FOCAD: variants seen among roughly 807,000 people sequenced by gnomAD.
The protein encoded by FOCAD is focadhesin.
FOCAD carries 198 observed loss-of-function variants against 225.6 expected under a neutral mutation model. The ratio of observed to expected loss-of-function variants is 0.88; its 90% confidence interval spans 0.78 to 0.99. FOCAD has a LOEUF of 0.99. Among genes scored for constraint, FOCAD ranks in the 50% least tolerant of loss-of-function variants. FOCAD has a pLI of 0.00. For synonymous variants in FOCAD, 897 were observed against 755.0 expected, an observed-to-expected ratio of 1.19 and a Z score of -3.08; for missense variants, 2,713 against 2,123.6, an observed-to-expected ratio of 1.28 and a Z score of -5.46.
intron 15 of FOCAD, among the ~76,000 whole-genome samples, chr9:20,847,008 C>G (rs757873093): frequency 2.0e-5 from 3 of 152,100 alleles, no homozygotes; most frequent in Admixed American, 6.6e-5. Flanking sequence ...TTCTCTGATT[C>G]CAAAACATCT....
intron 11 of FOCAD, among the ~76,000 whole-genome samples, chr9:20,794,183 G>A (rs375526853): frequency 5.3e-5 from 8 of 152,168 alleles, no homozygotes; most frequent in African/African-American, 1.9e-4. Context: ...ACTAACCAGA[G>A]CATCTGTCTC....
At chr9:20,706,391 A>G (rs932588536) in intron 1 of FOCAD, among the ~76,000 whole-genome samples, 1 of 152,194 alleles carries the variant, frequency 6.6e-6, no homozygotes, top group African/African-American at 2.4e-5. Flanking sequence ...TAAAGGCAGG[A>G]ATTTGATAGA....
chr9:20,875,895 C>T (rs1162401540), intron 19 of FOCAD: 1 of 152,076 alleles, frequency 6.6e-6, no homozygotes, highest in African/African-American at 2.4e-5. Flanking sequence ...TACAATTCTA[C>T]TTTGAATGTT....
chr9:20,975,816 C>T (rs1171907613), intron 35 of FOCAD, among the ~76,000 whole-genome samples: 2 of 151,868 alleles, frequency 1.3e-5, no homozygotes, highest in South Asian at 4.2e-4. Context: ...TATGTGGAAG[C>T]TAAAAAAGTT....
At chr9:20,994,154 T>C (rs1051455220) in intron 43 of FOCAD, among the ~76,000 whole-genome samples, 25 of 152,242 alleles carry the variant, frequency 1.6e-4, no homozygotes, top group African/African-American at 5.5e-4. Context: ...CTTCATAGTA[T>C]CTTGCCAGGG....
chr9:20,929,475 C>T lies in FOCAD; in HGVS notation c.3196C>T (p.Leu1066=). 6.2e-7 allele frequency: 1 copy of T among 1,614,120 alleles called. No homozygotes were observed. The change falls in exon 27 of 44, where the codon CTG becomes TTG. Residue 1066 remains leucine (L), a synonymous_variant. Transcript: ENST00000338382. ...TTGCAAAGAGAAGGTTGAGGAAATC[C>T]TGAACATGCTGACTGCCAGGTTACC... ...ISCKEKVEEI[L]NMLTARLPGK...
intron 19 of FOCAD, among the ~76,000 whole-genome samples, chr9:20,880,443 A>G (rs1587489118): frequency 6.6e-6 from 1 of 152,138 alleles, no homozygotes; most frequent in Non-Finnish European, 1.5e-5. Context: ...CACTGTTTTC[A>G]CCCTTTGATG....
chr9:20,754,212 A>G (rs1828835387), intron 5 of FOCAD, among the ~76,000 whole-genome samples: 2 of 152,184 alleles, frequency 1.3e-5, no homozygotes, highest in South Asian at 4.1e-4. Flanking sequence ...TAATCCATAA[A>G]TGTAATAATC....
Position 20,995,615 on chromosome 9 carries a change from G to A in FOCAD, c.5392G>A (p.Ala1798Thr), listed in dbSNP as rs1487984640. 1.2e-6 allele frequency: 2 copies of A among 1,612,656 alleles called. No individual in the cohort carries two copies. Among genetic ancestry groups the A allele is most frequent in the Non-Finnish European group, 1.7e-6 (2 of 1,178,806 alleles). Reference sequence around the variant, plus strand: ...TAAGAAGAAAGCTGTATGGACCAGAGCATATGGTTGGTGAACAGTTTTGCA... The same window carrying A: ...TAAGAAGAAAGCTGTATGGACCAGAACATATGGTTGGTGAACAGTTTTGCA... The part of the protein sequence containing the change: ...EFKKKAVWTR[A>T]YGW Residue 1798 changes from alanine to threonine, a missense_variant, in exon 44 of 44, where the codon GCA becomes ACA. Transcript: ENST00000338382.
chr9:20,965,143 A>T (rs1301222655), intron 35 of FOCAD, among the ~76,000 whole-genome samples: 3 of 152,312 alleles, frequency 2.0e-5, no homozygotes, highest in African/African-American at 7.2e-5. Flanking sequence ...GTACTCTTTT[A>T]TATGGAAAAG....
At chr9:20,874,902 C>G in intron 19 of FOCAD, 95 bp downstream of exon 19, 2 of 1,451,652 alleles carry the variant, frequency 1.4e-6, no homozygotes, top group Non-Finnish European at 9.5e-7. Context: ...TATAGTTTAA[C>G]CTTATGTGCT....
intron 10 of FOCAD, chr9:20,786,949 C>A (rs1819982171): frequency 6.5e-6 from 3 of 462,716 alleles, no homozygotes; most frequent in South Asian, 1.6e-5. Flanking sequence ...CAGGTCCTCC[C>A]TCAGGCTATG....
Position 20,875,767 on chromosome 9 carries a change from C to A in FOCAD, c.2317+960C>A, listed in dbSNP as rs903948345. 2.0e-5 allele frequency: 3 copies of A among 152,024 alleles called. No individual in the cohort carries two copies. In the East Asian group the frequency reaches 5.8e-4, roughly 29 times the overall value. The allele number at this position is 152,024 out of a possible 1,614,324, so 9.4% of individuals were successfully genotyped here. A position where few individuals can be genotyped will look rare whatever the true frequency, so the allele number is the denominator to read the frequency against. On this transcript the variant is annotated intron_variant, in intron 19 of 43. Coordinates refer to ENST00000338382, the MANE Select transcript of FOCAD (RefSeq NM_001375567.1). ...ATTGTGGACTGTGATTAGGAACTTA[C>A]ATTATTTTATTTTGAATGTTATTTT...
At chr9:20,905,772 A>C (rs182630162) in intron 21 of FOCAD, among the ~76,000 whole-genome samples, 2 of 152,104 alleles carry the variant, frequency 1.3e-5, no homozygotes, top group East Asian at 1.9e-4. Flanking sequence ...ACAGGAGAAG[A>C]AGCAAGAGCT....
intron 15 of FOCAD, among the ~76,000 whole-genome samples, chr9:20,839,580 T>G (rs1365052147): frequency 6.6e-6 from 1 of 152,114 alleles, no homozygotes; most frequent in African/African-American, 2.4e-5. Context: ...GTATTCTTTA[T>G]GGTTATGCTT....
chr9:20,697,100 C>G (rs1823434986), intron 1 of FOCAD, among the ~76,000 whole-genome samples: 1 of 152,072 alleles, frequency 6.6e-6, no homozygotes, highest in Non-Finnish European at 1.5e-5. Context: ...TGTTTAGCAG[C>G]CAAAAACAGA....
chr9:20,798,994 A>C (rs556222322), intron 11 of FOCAD, among the ~76,000 whole-genome samples: 5 of 152,240 alleles, frequency 3.3e-5, no homozygotes, highest in Admixed American at 2.0e-4. Flanking sequence ...TATTGCTATA[A>C]ATTTCCCTGT....
rs145798005 is a variant in FOCAD at position 20,984,591 on chromosome 9, G to A, written c.4729-1697G>A. On this transcript the variant is annotated intron_variant, in intron 39 of 43. Transcript: ENST00000338382. ...TTACATTTTTGTAAATCTCCTTAAT[G>A]TCTGGCTTAATAGAAGACAGCTGGA... is the stretch of plus-strand genomic sequence containing the variant. Among the ~76,000 whole-genome samples the A allele has an allele frequency of 1.0e-2, 1,516 of 152,278 alleles. 15 individuals are homozygous for A. The highest frequency in any genetic ancestry group is 0.016 in the Non-Finnish European group (1,117 of 68,010).
chr9:20,705,085 A>G, intron 1 of FOCAD, among the ~76,000 whole-genome samples: 1 of 152,228 alleles, frequency 6.6e-6, no homozygotes, highest in East Asian at 1.9e-4. Context: ...CTGTAAAATG[A>G]GTAACTATCT....
Sources: allele counts gnomAD v4.1 joint callset (sites outside exome capture counted in the v4.1 genomes callset), GRCh38; gene constraint gnomAD v4.1.1; transcripts MANE v1.5; gene names NCBI Gene and HGNC (gene_info 2026-07-23, HGNC 2026-07-21).